Variants in PLCL1 observed in about 807,000 individuals in gnomAD.
PLCL1 encodes the protein phospholipase C like 1 (inactive).
In PLCL1, 41 loss-of-function variants were observed where a neutral mutation model predicts 84.4. The observed-to-expected ratio is 0.49, with a 90% CI of 0.38 to 0.63. The LOEUF is 0.63. PLCL1 is among the 30% of genes least tolerant of loss of function. The pLI is 0.00. For missense variants in PLCL1, 1,206 were observed against 1,367.8 expected (o/e 0.88, Z 1.87); for synonymous variants, 490 against 488.3 (o/e 1.00, Z -0.05).
At chr2:198,094,723 TG>T (rs1449091297) in intron 3 of PLCL1, among the ~76,000 whole-genome samples, 1 of 152,184 alleles carries the variant, frequency 6.6e-6, no homozygotes, top group Non-Finnish European at 1.5e-5. Context: ...GGTTTTAACC[TG>T]GGAGAAGCGA....
Position 198,084,112 on chromosome 2 carries a change from G to T in PLCL1, c.595G>T (p.Glu199Ter), listed in dbSNP as rs779485317. ...TTCCATACTCCACGGGGAAAACTAT[G>T]AGTCTCTGGACCTAGTTGCCAATTC... ...AFSILHGENY[E>*]SLDLVANSAD... The change falls in exon 2 of 6, where the codon GAG becomes TAG. Residue 199 changes from glutamate to a stop codon, truncating the protein, a stop_gained. Coordinates refer to ENST00000428675, the MANE Select transcript of PLCL1 (RefSeq NM_006226.4). LOFTEE classifies it high-confidence loss of function. 1 of 1,614,144 alleles carries T rather than the reference G, an allele frequency of 6.2e-7. No individual in the cohort carries two copies.
At chr2:198,100,235 T>C (rs1016966520) in intron 3 of PLCL1, among the ~76,000 whole-genome samples, 1 of 152,120 alleles carries the variant, frequency 6.6e-6, no homozygotes, top group Non-Finnish European at 1.5e-5. Context: ...GTCCCTGCTC[T>C]ACTGGAATTA....
chr2:198,135,092 G>T (rs1388699120), intron 5 of PLCL1, among the ~76,000 whole-genome samples: 1 of 152,078 alleles, frequency 6.6e-6, no homozygotes, highest in Non-Finnish European at 1.5e-5. Context: ...GCCATCCTCT[G>T]TCTCTCAAGC....
chr2:197,868,134 G>A (rs933641445), intron 1 of PLCL1, among the ~76,000 whole-genome samples: 1 of 152,174 alleles, frequency 6.6e-6, no homozygotes, highest in African/African-American at 2.4e-5. Context: ...ACTGCTGGAA[G>A]TTTTGTGAAC....
intron 5 of PLCL1, among the ~76,000 whole-genome samples, chr2:198,106,552 T>C (rs923346099): frequency 2.0e-5 from 3 of 151,892 alleles, no homozygotes; most frequent in Admixed American, 6.6e-5. Context: ...TGTACCCTGA[T>C]ATAAACATTT....
intron 1 of PLCL1, among the ~76,000 whole-genome samples, chr2:197,971,789 A>G (rs1021441375): frequency 5.3e-5 from 8 of 152,214 alleles, no homozygotes; most frequent in African/African-American, 1.7e-4. Flanking sequence ...ATGAGCATGT[A>G]TCATCTGTAT....
rs1689258990 is a variant in PLCL1, at chr2:197,945,741, A to G, written c.241-138017A>G. On this transcript the variant is annotated intron_variant, in intron 1 of 5. Coordinates refer to ENST00000428675, the MANE Select transcript of PLCL1 (RefSeq NM_006226.4). ...GAGGATTAAATGAGTTAATATGTTT[A>G]AAGCTCTTATACTTTGTGAAGCATA... Among the ~76,000 whole-genome samples, 2 of 152,214 alleles carry G rather than the reference A, an allele frequency of 1.3e-5. 1 individual carries two copies. Among genetic ancestry groups the G allele is most frequent in the South Asian group, 4.1e-4 (2 of 4,822 alleles).
chr2:197,857,481 A>T (rs1419834223), intron 1 of PLCL1, among the ~76,000 whole-genome samples: 1 of 152,188 alleles, frequency 6.6e-6, no homozygotes, highest in Non-Finnish European at 1.5e-5. Context: ...CTGACTTTGA[A>T]ACTGAGCTGC....
chr2:198,011,306 G>T (rs1690863522), intron 1 of PLCL1, among the ~76,000 whole-genome samples: 1 of 151,724 alleles, frequency 6.6e-6, no homozygotes, highest in Non-Finnish European at 1.5e-5. Context: ...TTTGTATGTT[G>T]TGTTTTTCTT....
intron 1 of PLCL1, among the ~76,000 whole-genome samples, chr2:198,060,490 T>C (rs1692168813): frequency 6.6e-6 from 1 of 152,240 alleles, no homozygotes; most frequent in African/African-American, 2.4e-5. Flanking sequence ...TGAATTTTCC[T>C]GCTGAGCTGA....
At chr2:198,088,357 T>A (rs1397801911) in intron 2 of PLCL1, among the ~76,000 whole-genome samples, 1 of 152,194 alleles carries the variant, frequency 6.6e-6, no homozygotes. Context: ...TTCAAATGAA[T>A]TTTTTGAAAA....
At chr2:198,096,554 A>T (rs549793597) in intron 3 of PLCL1, among the ~76,000 whole-genome samples, 1 of 152,310 alleles carries the variant, frequency 6.6e-6, no homozygotes, top group African/African-American at 2.4e-5. Context: ...GAATAGCTAC[A>T]GGAGGTTGCA....
At chr2:197,806,391 T>G (rs184474268) in intron 1 of PLCL1, among the ~76,000 whole-genome samples, 26 of 152,350 alleles carry the variant, frequency 1.7e-4, no homozygotes, top group African/African-American at 5.8e-4. Context: ...AAAGCTCTGT[T>G]CAGGGTTAAG....
In PLCL1 at chr2:198,086,127, G is replaced by T. The variant is rs762582177; in HGVS notation, c.2610G>T (p.Arg870=). 5.0e-6 allele frequency: 8 copies of T among 1,613,554 alleles called. No individual in the cohort carries two copies. The African/African-American group carries it at 5.3e-5, about 11-fold the overall frequency. Reference sequence around the variant, plus strand: ...CAGTGAGAATGGGGAAGAAAGTTCGGGAATATACCATGCTCAGGAATATCG... The same window carrying T: ...CAGTGAGAATGGGGAAGAAAGTTCGTGAATATACCATGCTCAGGAATATCG... The part of the protein sequence containing the change: ...SLSVRMGKKV[R]EYTMLRNIGL... Residue 870 remains arginine, a synonymous_variant, in exon 2 of 6, where the codon CGG becomes CGT. Transcript: ENST00000428675.
At chr2:198,049,080 C>G (rs771221804) in intron 1 of PLCL1, among the ~76,000 whole-genome samples, 1 of 152,122 alleles carries the variant, frequency 6.6e-6, no homozygotes, top group African/African-American at 2.4e-5. Flanking sequence ...TCTGTGATTC[C>G]GTTACATTAT....
intron 1 of PLCL1, among the ~76,000 whole-genome samples, chr2:197,986,776 T>C (rs557151280): frequency 6.6e-6 from 1 of 152,344 alleles, no homozygotes; most frequent in African/African-American, 2.4e-5. Context: ...TTCTCCTTAA[T>C]TGATCTTTGG....
intron 1 of PLCL1, among the ~76,000 whole-genome samples, chr2:197,947,644 G>A (rs1287662673): frequency 1.3e-5 from 2 of 152,182 alleles, no homozygotes; most frequent in African/African-American, 4.8e-5. Flanking sequence ...AGGCTGCAAT[G>A]TAATGAATGG....
In PLCL1 at chr2:197,805,221, G is replaced by A; in HGVS notation, c.122G>A (p.Arg41Gln). 1 of 1,274,920 alleles carries A rather than the reference G, an allele frequency of 7.8e-7. No homozygotes were observed. The highest frequency in any genetic ancestry group is 9.9e-7 in the Non-Finnish European group (1 of 1,012,666). 79.0% of individuals were successfully genotyped at this position (1,274,920 alleles called of 1,614,324 possible). The part of the protein sequence containing the change: ...GDCVTAASGG[R>Q]MRDRRSGVAL... ...TGCGTGACGGCGGCCTCTGGGGGCCGGATGAGGGACCGTCGCAGCGGGGTC... is the reference window on the plus strand; with the variant it reads ...TGCGTGACGGCGGCCTCTGGGGGCCAGATGAGGGACCGTCGCAGCGGGGTC... The change falls in exon 1 of 6, where the codon CGG becomes CAG. Residue 41 changes from arginine to glutamine, a missense_variant. Coordinates refer to ENST00000428675, the MANE Select transcript of PLCL1 (RefSeq NM_006226.4). This position sits in a 1 kb window ranked among gnomAD's most constrained non-coding sequence, Gnocchi z 4.0.
chr2:198,022,304 G>C (rs1386087748), intron 1 of PLCL1, among the ~76,000 whole-genome samples: 3 of 152,048 alleles, frequency 2.0e-5, no homozygotes, highest in Non-Finnish European at 2.9e-5. Context: ...ATACTGAATG[G>C]GCAAATGCTG....
Sources: allele counts gnomAD v4.1 joint callset (sites outside exome capture counted in the v4.1 genomes callset), GRCh38; gene constraint gnomAD v4.1.1; non-coding constraint Gnocchi (gnomAD v3.1); transcripts MANE v1.5; gene names NCBI Gene and HGNC (gene_info 2026-07-23, HGNC 2026-07-21).